The following ARPC4 variants were observed in gnomAD, a reference collection of about 807,000 sequenced individuals.
ARPC4 encodes actin-related protein 2/3 complex subunit 4.
A neutral mutation model predicts 22.8 loss-of-function variants in ARPC4; 3 were observed. The observed-to-expected ratio is 0.13, with a 90% confidence interval of 0.06 to 0.34. The LOEUF (loss-of-function observed/expected upper bound fraction) is 0.34, where lower values mean the gene tolerates loss of function less well. Ranked by LOEUF, ARPC4 falls within the 10% of genes least tolerant of loss-of-function variation. ARPC4 has a pLI of 1.00. For missense variants in ARPC4, 98 were observed against 211.0 expected (o/e 0.46, Z 3.32); for synonymous variants, 80 against 72.5 (o/e 1.10, Z -0.52).
intron 4 of ARPC4, chr3:9,803,458 G>T (rs971841655): frequency 4.4e-6 from 2 of 459,672 alleles, no homozygotes; most frequent in African/African-American, 4.0e-5. Context: ...CAGCCCTCCA[G>T]CAGAAAAAGA....
chr3:9,803,746 A>G, intron 4 of ARPC4, 97 bp from the exon 5 acceptor site: 9 of 1,293,672 alleles, frequency 7.0e-6, no homozygotes, highest in Non-Finnish European at 9.9e-6. Flanking sequence ...AGTGGGAAGC[A>G]TGTGGATGAG....
intron 3 of ARPC4, among the ~76,000 whole-genome samples, chr3:9,801,149 T>C (rs908053968): frequency 8.7e-5 from 11 of 126,626 alleles, no homozygotes; most frequent in Admixed American, 5.0e-4. Context: ...AGGCAGAGCT[T>C]ACAGTGAGTC....
intron 1 of ARPC4, 174 bp downstream of exon 1, chr3:9,793,298 G>A (rs2078795651): frequency 8.0e-7 from 1 of 1,243,308 alleles, no homozygotes; most frequent in Non-Finnish European, 1.1e-6. Flanking sequence ...GTGAGGAAGG[G>A]GCGAGTGGGG....
At chr3:9,793,888 G>C (rs1326821366) in intron 1 of ARPC4, among the ~76,000 whole-genome samples, 10 of 152,054 alleles carry the variant, frequency 6.6e-5, no homozygotes, top group Admixed American at 6.6e-5. Flanking sequence ...TCTTCATTCT[G>C]ATGACTCCTA....
chr3:9,796,805 G>GCAGCA (rs2078901571), intron 1 of ARPC4, among the ~76,000 whole-genome samples: 7 of 151,988 alleles, frequency 4.6e-5, no homozygotes, highest in Non-Finnish European at 1.0e-4. Context: ...GCCGGGTGTG[G>GCAGCA]TGGTGGGCGC....
chr3:9,801,555 G>T (rs2079011351), intron 3 of ARPC4, 106 bp from the exon 4 acceptor site: 2 of 1,127,014 alleles, frequency 1.8e-6, no homozygotes, highest in East Asian at 2.7e-5. Context: ...AAACCTCACT[G>T]TCTCCTGGGA....
rs2078787316 is a variant in ARPC4 at position 9,793,136 on chromosome 3, G to A, written c.3+12G>A. On this transcript the variant is annotated intron_variant, in intron 1 of 5. Transcript: ENST00000397261. ...CAGCGCCCGCGATGGTGAGAGAGCC[G>A]GGCCCCCGGCCAGGGACCCCCGGCT... 1.2e-5 allele frequency: 18 copies of A among 1,542,060 alleles called. No homozygotes were observed. Among genetic ancestry groups the A allele is most frequent in the East Asian group, 2.5e-5 (1 of 40,686 alleles).
intron 2 of ARPC4, chr3:9,798,052 G>T: frequency 3.5e-6 from 1 of 286,006 alleles, no homozygotes; most frequent in South Asian, 8.1e-5. Flanking sequence ...CTGTGGCATT[G>T]TTGAAAACAC....
At chr3:9,800,115 A>T in intron 2 of ARPC4, 70 bp from the exon 3 acceptor site, 2 of 1,496,912 alleles carry the variant, frequency 1.3e-6, no homozygotes, top group Non-Finnish European at 1.8e-6. Context: ...TGATTCCAGG[A>T]CCTGCGTGGG....
At chr3:9,797,891 A>G in intron 2 of ARPC4, 114 bp downstream of exon 2, 11 of 1,126,206 alleles carry the variant, frequency 9.8e-6, no homozygotes, top group Non-Finnish European at 1.4e-5. Context: ...TGCAGTTGAC[A>G]TTTTGTCTTG....
intron 1 of ARPC4, 133 bp downstream of exon 1, chr3:9,793,257 G>A (rs990872332): frequency 2.1e-6 from 3 of 1,419,576 alleles, no homozygotes; most frequent in African/African-American, 1.5e-5. Flanking sequence ...CACGATGAGG[G>A]TGGGAAAAAG....
chr3:9,796,745 T>C (rs544178313), intron 1 of ARPC4, among the ~76,000 whole-genome samples: 2 of 152,020 alleles, frequency 1.3e-5, no homozygotes, highest in African/African-American at 2.4e-5. Flanking sequence ...ATTGAGACCA[T>C]CCTGGCTAAC....
upstream of ARPC4, chr3:9,792,891 G>C: frequency 7.2e-7 from 1 of 1,386,922 alleles, no homozygotes; most frequent in Non-Finnish European, 9.3e-7. Context: ...CATTCCTGGA[G>C]GAGCTTAAAT....
At position 9,797,730 on chromosome 3, in the gene ARPC4, C is replaced by T. The variant is rs1424456106; in HGVS notation, c.75C>T (p.Phe25=). 4 of 1,614,058 alleles carry T rather than the reference C, an allele frequency of 2.5e-6. No homozygotes were observed. Among genetic ancestry groups the T allele is most frequent in the East Asian group, 2.2e-5 (1 of 44,902 alleles). The change falls in exon 2 of 6, where the codon TTC becomes TTT. Residue 25 remains phenylalanine (F), a synonymous_variant. Transcript: ENST00000397261. ...AGGCTGCCCTCTGCCTGGAGAACTT[C>T]TCCTCCCAGGTTGTGGAACGACACA... ...TLQAALCLEN[F]SSQVVERHNK...
chr3:9,800,633 C>T (rs1205052829), intron 3 of ARPC4, among the ~76,000 whole-genome samples: 1 of 152,008 alleles, frequency 6.6e-6, no homozygotes, highest in Non-Finnish European at 1.5e-5. Flanking sequence ...CCATGTTTGC[C>T]AGGATGGTCT....
chr3:9,802,053 A>G lies in ARPC4; in HGVS notation c.330+297A>G, dbSNP rs183020661. On this transcript the variant is annotated intron_variant, in intron 4 of 5. Transcript: ENST00000397261. ...CAGGAGTTCAAGACCAGCCTGGCCA[A>G]CATGGTGAAACCCCATCTCTATTAA... 6.0e-4 allele frequency among the ~76,000 whole-genome samples: 92 copies of G among 152,080 alleles called. 1 individual carries two copies. In the East Asian group the frequency reaches 0.018, roughly 29 times the overall value.
At chr3:9,803,519 C>A (rs778472238) in intron 4 of ARPC4, 2 of 493,618 alleles carry the variant, frequency 4.1e-6, no homozygotes, top group South Asian at 3.1e-5. Flanking sequence ...ACTAAATGTT[C>A]CCTGTTGTTT....
chr3:9,794,818 C>T (rs1039712853), intron 1 of ARPC4, among the ~76,000 whole-genome samples: 1 of 152,136 alleles, frequency 6.6e-6, no homozygotes, highest in Non-Finnish European at 1.5e-5. Flanking sequence ...GATTTTTCCC[C>T]CCTGTAGTTT....
At chr3:9,796,672 T>C (rs958060340) in intron 1 of ARPC4, among the ~76,000 whole-genome samples, 5 of 152,168 alleles carry the variant, frequency 3.3e-5, no homozygotes, top group African/African-American at 9.7e-5. Context: ...CAGGGTGTGG[T>C]GGCTCACGCC....
Sources: gnomAD v4.1 joint callset for allele counts (sites outside exome capture counted in the v4.1 genomes callset) on GRCh38, gnomAD v4.1.1 for gene constraint, MANE v1.5 for transcripts, NCBI Gene and HGNC (gene_info 2026-07-23, HGNC 2026-07-21) for gene names.